The following RSPH3 variants were observed in gnomAD, a reference collection of about 807,000 sequenced individuals.
The protein encoded by RSPH3 is radial spoke head protein 3 homolog.
In RSPH3, 21 loss-of-function variants were observed where a neutral mutation model predicts 43.8. The ratio of observed to expected loss-of-function variants is 0.48; its 90% CI spans 0.34 to 0.69. The LOEUF (loss-of-function observed/expected upper bound fraction) is 0.69. Ranked by LOEUF, RSPH3 falls within the 30% of genes least tolerant of loss-of-function variation. The pLI, the probability that RSPH3 is intolerant of heterozygous loss-of-function variation, is 0.01. For missense variants in RSPH3, 487 were observed against 516.0 expected (o/e 0.94, Z 0.54); for synonymous variants, 173 against 179.8 (o/e 0.96, Z 0.30).
rs1778117139 is a variant in RSPH3 at position 158,983,737 on chromosome 6, C to T, written c.417G>A (p.Leu139=). The T allele has an allele frequency of 6.2e-7, 1 of 1,611,140 alleles. No homozygotes were observed. ...VDMECQTDAF[L]DRPPTPLFIP... ...TAAAGAGTGGTGTTGGTGGTCTGTC[C>T]AAAAATGCATCTGTTTGGCATTCCA... is the stretch of plus-strand genomic sequence containing the variant. Residue 139 remains leucine (L), a synonymous_variant, in exon 4 of 8, where the codon TTG becomes TTA. Transcript: ENST00000367069.
chr6:158,982,417 G>T, intron 5 of RSPH3, 68 bp downstream of exon 5: 1 of 949,400 alleles, frequency 1.1e-6, no homozygotes, highest in East Asian at 2.6e-5. Flanking sequence ...ATCATCACAT[G>T]TAATTTTGAA....
the RSPH3 span, among the ~76,000 whole-genome samples, chr6:158,965,559 A>T: frequency 2.0e-5 from 3 of 151,956 alleles, no homozygotes; most frequent in Non-Finnish European, 4.4e-5. Flanking sequence ...TGTAAATGAG[A>T]TTGTTTTCTT....
At chr6:158,967,897 T>C (rs1777647138), downstream of RSPH3, among the ~76,000 whole-genome samples, 1 of 152,190 alleles carries the variant, frequency 6.6e-6, no homozygotes, top group Admixed American at 6.5e-5. Flanking sequence ...ACCCCAGCTC[T>C]TTTTTGGTTA....
At chr6:158,969,131 G>T (rs1243883998), downstream of RSPH3, among the ~76,000 whole-genome samples, 1 of 152,104 alleles carries the variant, frequency 6.6e-6, no homozygotes, top group Non-Finnish European at 1.5e-5. Context: ...ATGTGGATTT[G>T]AATTGCTGTC....
Position 158,983,705 on chromosome 6 carries a change from G to T in RSPH3, c.449C>A (p.Ala150Asp). The stretch of plus-strand genomic sequence containing the variant: ...GGTGGCCACATCTTTGCCAGTTTTG[G>T]CAGGAATAAAGAGTGGTGTTGGTGG... ...DRPPTPLFIPAKTGKDVATQI... is the reference protein window; with the variant it reads ...DRPPTPLFIPDKTGKDVATQI... Residue 150 changes from alanine (A) to aspartate (D), a missense_variant, in exon 4 of 8, where the codon GCC becomes GAC. Physicochemically the swap from Ala to Asp is moderately radical, Grantham distance 126. Transcript: ENST00000367069. 6 of 1,613,564 alleles carry T rather than the reference G, an allele frequency of 3.7e-6. No individual in the cohort carries two copies. Among genetic ancestry groups the T allele is most frequent in the Non-Finnish European group, 5.1e-6 (6 of 1,179,492 alleles).
At chr6:158,992,897 G>A (rs1778464035) in intron 2 of RSPH3, among the ~76,000 whole-genome samples, 1 of 152,140 alleles carries the variant, frequency 6.6e-6, no homozygotes, top group African/African-American at 2.4e-5. Flanking sequence ...GTGAATTAAA[G>A]AAGCAGAATT....
intron 1 of RSPH3, among the ~76,000 whole-genome samples, chr6:158,998,885 AACCACCACC>A (rs143434986): frequency 7.9e-5 from 12 of 151,396 alleles, no homozygotes; most frequent in Non-Finnish European, 1.5e-4. Flanking sequence ...CAACAACAGC[AACCACCACC>A]ACCACCACCA....
At chr6:158,981,728 T>C (rs1056785118) in intron 5 of RSPH3, among the ~76,000 whole-genome samples, 4 of 152,186 alleles carry the variant, frequency 2.6e-5, no homozygotes, top group African/African-American at 9.7e-5. Flanking sequence ...TGAGTAGGAT[T>C]TCCCAACAAT....
chr6:158,998,059 A>G (rs1230762797), intron 1 of RSPH3, among the ~76,000 whole-genome samples: 1 of 152,170 alleles, frequency 6.6e-6, no homozygotes, highest in Non-Finnish European at 1.5e-5. Flanking sequence ...TCCTGCATCC[A>G]TGGAGCTTGC....
chr6:158,980,146 A>G (rs1186224674), intron 6 of RSPH3, among the ~76,000 whole-genome samples: 1 of 152,188 alleles, frequency 6.6e-6, no homozygotes, highest in African/African-American at 2.4e-5. Context: ...AATAATTCTC[A>G]TTTCAGGCTG....
intron 4 of RSPH3, 34 bp from the exon 5 acceptor site, chr6:158,982,722 T>C: frequency 6.9e-7 from 1 of 1,456,294 alleles, no homozygotes; most frequent in Non-Finnish European, 9.5e-7. Flanking sequence ...ACTTAAAATT[T>C]TAATTACGAA....
At chr6:158,968,735 C>CA (rs1191879579), downstream of RSPH3, among the ~76,000 whole-genome samples, 2 of 151,912 alleles carry the variant, frequency 1.3e-5, no homozygotes, top group Non-Finnish European at 2.9e-5. Flanking sequence ...TACTGTGAAA[C>CA]AGAGTCTTGC....
rs1778349450 is a variant in RSPH3 at position 158,989,807 on chromosome 6, A to G, written c.205-3386T>C. ...TCAGAGATAAATCCTTGCGATGGTT[A>G]ATACTGAGTGTCAACTTGATTGGAT... On this transcript the variant is annotated intron_variant, in intron 2 of 7. Coordinates refer to ENST00000367069, the MANE Select transcript of RSPH3 (RefSeq NM_031924.8). The surrounding 1 kb of genome is among the most constrained non-coding windows in gnomAD (Gnocchi z 4.3). 6.6e-6 allele frequency among the ~76,000 whole-genome samples: 1 copy of G among 152,184 alleles called. No individual in the cohort carries two copies. The highest frequency in any genetic ancestry group is 1.5e-5 in the Non-Finnish European group (1 of 68,046).
chr6:158,995,834 C>T (rs1049019486), intron 1 of RSPH3, among the ~76,000 whole-genome samples: 2 of 152,048 alleles, frequency 1.3e-5, no homozygotes, highest in Admixed American at 6.6e-5. Context: ...CTCCTGACCT[C>T]GTGATCCGCC....
chr6:158,969,217 C>A (rs973766056), downstream of RSPH3, among the ~76,000 whole-genome samples: 1 of 152,078 alleles, frequency 6.6e-6, no homozygotes, highest in African/African-American at 2.4e-5. Context: ...GACAAGTTCT[C>A]TCAGTTTTTG....
intron 5 of RSPH3, 63 bp downstream of exon 5, chr6:158,982,422 T>C (rs1203583944): frequency 1.9e-6 from 2 of 1,028,324 alleles, no homozygotes; most frequent in Non-Finnish European, 2.8e-6. Flanking sequence ...CACATGTAAT[T>C]TTGAACATAA....
intron 1 of RSPH3, among the ~76,000 whole-genome samples, chr6:158,996,081 T>A (rs1352318316): frequency 1.3e-5 from 2 of 152,178 alleles, no homozygotes; most frequent in Admixed American, 6.5e-5. Context: ...CTTTGGGGAA[T>A]CATTATTCTG....
At position 158,977,524 on chromosome 6, in the gene RSPH3, T is replaced by C. The variant is rs1777883214; in HGVS notation, c.*14A>G. 1.3e-6 allele frequency: 2 copies of C among 1,584,924 alleles called. No homozygotes were observed. The highest frequency in any genetic ancestry group is 1.8e-5 in the Admixed American group (1 of 56,402). On this transcript the variant is annotated 3_prime_UTR_variant, in exon 8 of 8. Transcript: ENST00000367069. ...TTGGCTGTTGATTGGTTTCATGACT[T>C]TGAAGCTTCCCTCCTATGACAATTC... is the stretch of plus-strand genomic sequence containing the variant.
At position 158,973,601 on chromosome 6, in the gene RSPH3, C is replaced by T. The variant is rs577574168; in HGVS notation, c.*3937G>A. On this transcript the variant is annotated 3_prime_UTR_variant, in exon 8 of 8. Coordinates refer to ENST00000367069, the MANE Select transcript of RSPH3 (RefSeq NM_031924.8). ...CTTTGAGAAAGGCAAACCCCCTTCT[C>T]CATGGTGAAGACTACATGCTTGCAT... is the stretch of plus-strand genomic sequence containing the variant. The T allele has an allele frequency of 5.9e-5, 9 of 152,288 alleles. No homozygotes were observed. Among genetic ancestry groups the T allele is most frequent in the African/African-American group, 1.9e-4 (8 of 41,556 alleles). The allele number at this position is 152,288 out of a possible 1,614,324, so 9.4% of individuals were successfully genotyped here. A position where few individuals can be genotyped will look rare whatever the true frequency, so the allele number is the denominator to read the frequency against.
Sources: gnomAD v4.1 joint callset for allele counts (sites outside exome capture counted in the v4.1 genomes callset) on GRCh38, gnomAD v4.1.1 for gene constraint, Gnocchi (gnomAD v3.1) non-coding constraint, MANE v1.5 for transcripts, NCBI Gene and HGNC (gene_info 2026-07-23, HGNC 2026-07-21) for gene names.